Variants in SOD2 observed in about 807,000 individuals in gnomAD.
The protein encoded by SOD2 is superoxide dismutase 2.
Under a neutral mutation model 27.0 loss-of-function variants are expected in SOD2, and 11 were observed. That is an observed-to-expected ratio of 0.41 (90% CI 0.26 to 0.67). The LOEUF (loss-of-function observed/expected upper bound fraction) is 0.67. Among genes scored for constraint, SOD2 ranks in the 30% least tolerant of loss-of-function variants. The probability of loss-of-function intolerance (pLI) is 0.34; values close to 1 mark genes in which losing one functional copy is unlikely to be tolerated. For missense variants in SOD2, 250 were observed against 274.5 expected, an observed-to-expected ratio of 0.91 and a Z score of 0.63; for synonymous variants, 105 against 103.0, an observed-to-expected ratio of 1.02 and a Z score of -0.12.
chr6:159,727,223 C>G, exon 1 of SOD2: 2 of 1,269,660 alleles, frequency 1.6e-6, no homozygotes, highest in South Asian at 1.3e-5. Context: ...CATTGTGCCT[C>G]GAGGCCCCGA....
At chr6:159,715,903 GAA>G (rs36055546) in intron 1 of SOD2, among the ~76,000 whole-genome samples, 20 of 128,726 alleles carry the variant, frequency 1.6e-4, no homozygotes, top group African/African-American at 5.6e-4. Context: ...CTGTCTCAAG[GAA>G]AAAAAAAAAA....
At chr6:159,729,666 T>G (rs1279468840), upstream of SOD2, among the ~76,000 whole-genome samples, 1 of 152,216 alleles carries the variant, frequency 6.6e-6, no homozygotes, top group Non-Finnish European at 1.5e-5. Context: ...ACTTGGAAAC[T>G]GCAAGAGTTA....
intron 1 of SOD2, 131 bp downstream of exon 1, chr6:159,693,014 C>T (rs1034048151): frequency 3.6e-6 from 5 of 1,405,466 alleles, no homozygotes; most frequent in Admixed American, 5.2e-5. Flanking sequence ...CGGGCACTCC[C>T]GGGAGAACCG....
At chr6:159,714,546 G>A (rs1191055857) in intron 1 of SOD2, among the ~76,000 whole-genome samples, 5 of 152,146 alleles carry the variant, frequency 3.3e-5, no homozygotes, top group Non-Finnish European at 4.4e-5. Flanking sequence ...GCCTCTAGAT[G>A]TTTTGCTCGT....
Position 159,754,717 on chromosome 6 carries a change from GA to G in SOD2, c.-335-6042del, listed in dbSNP as rs374510963. Among the ~76,000 whole-genome samples the G allele has an allele frequency of 3.2e-4, 49 of 151,946 alleles. 1 individual carries two copies. In the East Asian group the frequency reaches 6.6e-3, roughly 20 times the overall value. On this transcript the variant is annotated intron_variant, in intron 1 of 7. Transcript: ENST00000546087. ...TGTATTGTTTGGGGGATAATGACAA[GA>G]AAAAAAATCTGTACATGTTCAGTAT...
rs771382825 is a variant in SOD2, at chr6:159,738,978, T to C, written c.-116+6152A>G. On this transcript the variant is annotated intron_variant, in intron 1 of 3. Transcript: ENST00000537657. ...GAAGAACACTAAATTCATATTGTAA[T>C]TCTCTTTATAGGTTCGATTGAGTGA... 4 of 1,603,296 alleles carry C rather than the reference T, an allele frequency of 2.5e-6. No individual in the cohort carries two copies. In the East Asian group the frequency reaches 9.0e-5, roughly 36 times the overall value.
chr6:159,679,121 T>C lies in SOD2; in HGVS notation c.*3372A>G, dbSNP rs1779843937. 6.6e-6 allele frequency: 1 copy of C among 152,244 alleles called. No homozygotes were observed. Among genetic ancestry groups the C allele is most frequent in the Middle Eastern group, 3.2e-3 (1 of 316 alleles). 9.4% of individuals were successfully genotyped at this position (152,244 alleles called of 1,614,324 possible). ...GCAAGCATAATGCAGACCTCTTTGA[T>C]GGTTGACAGATTCTTTTATTAACAG... On this transcript the variant is annotated 3_prime_UTR_variant, in exon 5 of 5. Coordinates refer to ENST00000538183, the MANE Select transcript of SOD2 (RefSeq NM_000636.4).
At chr6:159,695,587 T>C (rs368054601), upstream of SOD2, among the ~76,000 whole-genome samples, 68 of 152,330 alleles carry the variant, frequency 4.5e-4, no homozygotes, top group African/African-American at 1.2e-3. Flanking sequence ...AGCGACTTGC[T>C]GGGCTCATGT....
upstream of SOD2, chr6:159,731,106 A>T (rs1349262875): frequency 6.6e-6 from 1 of 152,210 alleles, no homozygotes; most frequent in East Asian, 1.9e-4. Context: ...ATGCCCGTGC[A>T]CTCCAGCCTG....
At chr6:159,754,961 G>A in intron 1 of SOD2, 1 of 1,432,488 alleles carries the variant, frequency 7.0e-7, no homozygotes, top group Non-Finnish European at 9.3e-7. Flanking sequence ...CTTTGTGGCA[G>A]GCACTAAAGA....
chr6:159,757,250 A>G (rs1417843318), intron 1 of SOD2, among the ~76,000 whole-genome samples: 1 of 152,196 alleles, frequency 6.6e-6, no homozygotes, highest in Non-Finnish European at 1.5e-5. Context: ...TTGTAATACA[A>G]TCAAGGAACC....
chr6:159,733,997 C>G (rs1778751297), intron 1 of SOD2, among the ~76,000 whole-genome samples: 1 of 152,184 alleles, frequency 6.6e-6, no homozygotes, highest in Admixed American at 6.5e-5. Flanking sequence ...ATTCTGCTTT[C>G]TTCAACACAA....
chr6:159,754,944 T>C, intron 1 of SOD2: 4 of 1,352,542 alleles, frequency 3.0e-6, no homozygotes, highest in Non-Finnish European at 3.9e-6. Flanking sequence ...GTTTATTGAC[T>C]CCCTTGCTTT....
At chr6:159,702,850 GAAAAAAAAA>G (rs35570449) in intron 1 of SOD2, among the ~76,000 whole-genome samples, 536 of 30,692 alleles carry the variant, frequency 0.017, 7 homozygotes, top group African/African-American at 0.058. Flanking sequence ...ACCCTATCTC[GAAAAAAAAA>G]AAAAAAAAAA....
At chr6:159,722,141 G>A (rs528695085) in intron 1 of SOD2, among the ~76,000 whole-genome samples, 5 of 152,104 alleles carry the variant, frequency 3.3e-5, no homozygotes, top group African/African-American at 1.2e-4. Flanking sequence ...GCTTTGGGAG[G>A]TTGAGGTGGG....
At chr6:159,697,231 A>G (rs1446418849), upstream of SOD2, among the ~76,000 whole-genome samples, 1 of 152,186 alleles carries the variant, frequency 6.6e-6, no homozygotes, top group Non-Finnish European at 1.5e-5. Context: ...TAATGGAATT[A>G]CCTTAGCTAC....
upstream of SOD2, chr6:159,727,455 G>A (rs1778254637): frequency 5.0e-6 from 5 of 1,006,660 alleles, no homozygotes; most frequent in African/African-American, 1.8e-5. Flanking sequence ...GCGGGGCAGG[G>A]CGGAGCGGAG....
Position 159,692,687 on chromosome 6 carries a change from T to A in SOD2, c.200A>T (p.Glu67Val). Residue 67 changes from glutamate (E) to valine (V), a missense_variant, in exon 2 of 5, where the codon GAG becomes GTG. Transcript: ENST00000538183. ...AYVNNLNVTE[E>V]KYQEALAKGD... ...CTTGGCCAACGCCTCCTGGTACTTC[T>A]CCTCGGTGACGTTCAGGTTGTTCAC... 2 of 1,614,028 alleles carry A rather than the reference T, an allele frequency of 1.2e-6. No individual in the cohort carries two copies. The highest frequency in any genetic ancestry group is 1.7e-6 in the Non-Finnish European group (2 of 1,179,980).
intron 4 of SOD2, among the ~76,000 whole-genome samples, chr6:159,682,854 C>T (rs911226746): frequency 6.6e-6 from 1 of 152,072 alleles, no homozygotes; most frequent in African/African-American, 2.4e-5. Flanking sequence ...GTGACAAATA[C>T]TAACAATAAA....
Sources: allele counts gnomAD v4.1 joint callset (sites outside exome capture counted in the v4.1 genomes callset), GRCh38; gene constraint gnomAD v4.1.1; transcripts MANE v1.5; gene names NCBI Gene and HGNC (gene_info 2026-07-23, HGNC 2026-07-21).